The following CUL2 variants were observed in gnomAD, a reference collection of about 807,000 sequenced individuals.
CUL2 encodes the protein cullin-2.
CUL2 carries 22 observed loss-of-function variants against 110.2 expected under a neutral mutation model. The observed-to-expected ratio is 0.20, with a 90% CI of 0.14 to 0.28. CUL2 has a LOEUF of 0.28. Ranked by LOEUF, CUL2 falls within the 10% of genes least tolerant of loss-of-function variation. The pLI is 1.00. For synonymous variants in CUL2, 279 were observed against 293.2 expected, an observed-to-expected ratio of 0.95 and a Z score of 0.49; for missense variants, 631 against 905.5, an observed-to-expected ratio of 0.70 and a Z score of 3.89.
At chr10:35,029,776 TATATTCTTCATA>T in intron 14 of CUL2, 136 bp from the exon 15 acceptor site, 1 of 563,904 alleles carries the variant, frequency 1.8e-6, no homozygotes, top group Non-Finnish European at 2.9e-6. Context: ...GGACTAGTAA[TATATTCTTCATA>T]AGTCAAAGCA....
intron 2 of CUL2, among the ~76,000 whole-genome samples, chr10:35,096,248 A>AG (rs2087297871): frequency 6.8e-6 from 1 of 147,330 alleles, no homozygotes; most frequent in Non-Finnish European, 1.5e-5. Context: ...GTCTCAGAAA[A>AG]GAAAAAAACA....
At chr10:35,083,929 A>G (rs920716755) in intron 1 of CUL2, among the ~76,000 whole-genome samples, 2 of 152,198 alleles carry the variant, frequency 1.3e-5, no homozygotes, top group Non-Finnish European at 2.9e-5. Flanking sequence ...TACAATAGAG[A>G]AAGACTAAGT....
intron 1 of CUL2, among the ~76,000 whole-genome samples, chr10:35,105,136 A>AAGTAAT (rs1245590134): frequency 6.6e-6 from 1 of 151,644 alleles, no homozygotes; most frequent in Non-Finnish European, 1.5e-5. Flanking sequence ...TTAAAAAACT[A>AAGTAAT]AGTAATTGGC....
At chr10:35,117,060 C>G (rs1212440631) in intron 1 of CUL2, among the ~76,000 whole-genome samples, 1 of 151,426 alleles carries the variant, frequency 6.6e-6, no homozygotes, top group Non-Finnish European at 1.5e-5. Flanking sequence ...AAAAGGTAAA[C>G]TTCCTTCAAA....
Position 35,011,894 on chromosome 10 carries a change from A to G in CUL2, c.2060T>C (p.Ile687Thr), listed in dbSNP as rs1398516871. The part of the protein sequence containing the change: ...KMYLQAAIVR[I>T]MKARKVLRHN... Reference sequence around the variant, plus strand: ...CCGAAGCACTTTTCGTGCTTTCATGATACGAACTATAGCAGCTTGGAGATA... The same window carrying G: ...CCGAAGCACTTTTCGTGCTTTCATGGTACGAACTATAGCAGCTTGGAGATA... The change falls in exon 20 of 21, where the codon ATC becomes ACC. Residue 687 changes from isoleucine (I) to threonine (T), a missense_variant. Coordinates refer to ENST00000374749, the MANE Select transcript of CUL2 (RefSeq NM_003591.4). The G allele has an allele frequency of 6.2e-7, 1 of 1,613,862 alleles. No homozygotes were observed. Among genetic ancestry groups the G allele is most frequent in the Non-Finnish European group, 8.5e-7 (1 of 1,179,912 alleles).
At chr10:35,085,564 GA>G in intron 1 of CUL2, among the ~76,000 whole-genome samples, 1 of 150,786 alleles carries the variant, frequency 6.6e-6, no homozygotes, top group South Asian at 2.1e-4. Context: ...CTAACACGGT[GA>G]AACTCCATCT....
intron 1 of CUL2, among the ~76,000 whole-genome samples, chr10:35,108,524 G>A (rs142129431): frequency 6.6e-6 from 1 of 152,150 alleles, no homozygotes; most frequent in East Asian, 1.9e-4. Flanking sequence ...GGAAAGACAG[G>A]GAGAAATGAA....
chr10:35,085,759 A>T (rs2087049795), intron 1 of CUL2, among the ~76,000 whole-genome samples: 1 of 152,090 alleles, frequency 6.6e-6, no homozygotes, highest in Non-Finnish European at 1.5e-5. Context: ...TCACAGCCAG[A>T]CATTTTTCCA....
chr10:35,068,544 A>G (rs758119784), intron 2 of CUL2, among the ~76,000 whole-genome samples: 6 of 152,174 alleles, frequency 3.9e-5, no homozygotes, highest in African/African-American at 9.7e-5. Flanking sequence ...GTTATAGTGA[A>G]TGTGGACAAT....
intron 17 of CUL2, among the ~76,000 whole-genome samples, chr10:35,018,426 G>A (rs1316201602): frequency 6.6e-6 from 1 of 150,594 alleles, no homozygotes; most frequent in Non-Finnish European, 1.5e-5. Flanking sequence ...AGGATAATTA[G>A]TAACTCTGAT....
At chr10:35,025,049 T>C (rs2085300212) in intron 17 of CUL2, 83 bp downstream of exon 17, 5 of 1,379,530 alleles carry the variant, frequency 3.6e-6, no homozygotes, top group Non-Finnish European at 4.7e-6. Flanking sequence ...AAAACTGTAA[T>C]TGGGCCATAG....
chr10:35,041,399 C>T (rs2134780949), intron 8 of CUL2, among the ~76,000 whole-genome samples: 1 of 152,202 alleles, frequency 6.6e-6, no homozygotes, highest in South Asian at 2.1e-4. Context: ...GAAAGAAAGG[C>T]CAAAGCTATA....
At chr10:35,010,923 C>T (rs2084883689) in intron 20 of CUL2, among the ~76,000 whole-genome samples, 1 of 152,172 alleles carries the variant, frequency 6.6e-6, no homozygotes, top group Admixed American at 6.5e-5. Context: ...ATCCCAGGGA[C>T]CAGCCCAGCT....
chr10:35,101,339 C>T (rs747484676), intron 1 of CUL2, among the ~76,000 whole-genome samples: 8 of 152,160 alleles, frequency 5.3e-5, no homozygotes, highest in Admixed American at 1.3e-4. Context: ...ATGGAGACAA[C>T]GGGTCTACCA....
chr10:35,077,849 TA>T (rs2135024733), intron 1 of CUL2, among the ~76,000 whole-genome samples: 1 of 150,520 alleles, frequency 6.6e-6, no homozygotes, highest in East Asian at 1.9e-4. Flanking sequence ...ATAAAAATAA[TA>T]TTAAAAATAT....
chr10:35,077,336 A>AC (rs1251921184), intron 1 of CUL2, among the ~76,000 whole-genome samples: 2 of 150,954 alleles, frequency 1.3e-5, no homozygotes, highest in East Asian at 1.9e-4. Context: ...CAAACAAAAA[A>AC]AACAAACAAA....
intron 5 of CUL2, among the ~76,000 whole-genome samples, chr10:35,052,709 C>CA (rs1212911945): frequency 6.6e-6 from 1 of 151,874 alleles, no homozygotes; most frequent in Non-Finnish European, 1.5e-5. Context: ...TCCTGGCTAA[C>CA]ACGGTGAAAC....
intron 1 of CUL2, among the ~76,000 whole-genome samples, chr10:35,089,123 C>T (rs751855457): frequency 3.3e-5 from 5 of 152,120 alleles, no homozygotes; most frequent in Non-Finnish European, 5.9e-5. Context: ...TGCAGTGAGC[C>T]GAGATCGCAC....
At chr10:35,069,640 T>C (rs140246869) in intron 2 of CUL2, among the ~76,000 whole-genome samples, 1 of 152,170 alleles carries the variant, frequency 6.6e-6, no homozygotes, top group African/African-American at 2.4e-5. Flanking sequence ...AGGGGTCACT[T>C]TCCAGGGAAG....
Sources: gnomAD v4.1 joint callset for allele counts (sites outside exome capture counted in the v4.1 genomes callset) on GRCh38, gnomAD v4.1.1 for gene constraint, MANE v1.5 for transcripts, NCBI Gene and HGNC (gene_info 2026-07-23, HGNC 2026-07-21) for gene names.